LHFPL6: variants seen among roughly 807,000 people sequenced by gnomAD.
LHFPL6 encodes LHFPL tetraspan subfamily member 6, also known as LHFPL tetraspan subfamily member 6 protein.
LHFPL6 carries 9 observed loss-of-function variants against 20.6 expected under a neutral mutation model. The ratio of observed to expected loss-of-function variants is 0.44; its 90% CI spans 0.26 to 0.76. The LOEUF is 0.76. Among genes scored for constraint, LHFPL6 ranks in the 30% least tolerant of loss-of-function variants. LHFPL6 has a pLI of 0.20. For synonymous variants in LHFPL6, 105 were observed against 98.7 expected, an observed-to-expected ratio of 1.06 and a Z score of -0.38; for missense variants, 218 against 253.5, an observed-to-expected ratio of 0.86 and a Z score of 0.95.
intron 2 of LHFPL6, among the ~76,000 whole-genome samples, chr13:39,561,992 A>G (rs1248766013): frequency 6.6e-6 from 1 of 152,186 alleles, no homozygotes; most frequent in Non-Finnish European, 1.5e-5. Flanking sequence ...TGAGGGCCAA[A>G]TCTTCTAATT....
intron 3 of LHFPL6, among the ~76,000 whole-genome samples, chr13:39,359,515 C>A (rs754931934): frequency 3.9e-5 from 6 of 152,040 alleles, no homozygotes; most frequent in Non-Finnish European, 5.9e-5. Flanking sequence ...TTTTCCTAAG[C>A]AAATTAATGC....
chr13:39,423,209 T>C (rs1302135798), intron 2 of LHFPL6, among the ~76,000 whole-genome samples: 1 of 152,184 alleles, frequency 6.6e-6, no homozygotes, highest in Non-Finnish European at 1.5e-5. Context: ...TCAGATTATC[T>C]AAGACATTAC....
chr13:39,386,624 A>G (rs1870569838), intron 2 of LHFPL6, among the ~76,000 whole-genome samples: 1 of 152,232 alleles, frequency 6.6e-6, no homozygotes, highest in African/African-American at 2.4e-5. Context: ...GACATGTTGT[A>G]TTTGACCATC....
intron 3 of LHFPL6, among the ~76,000 whole-genome samples, chr13:39,352,926 T>C (rs1275234623): frequency 2.8e-4 from 16 of 57,942 alleles, no homozygotes; most frequent in South Asian, 7.8e-4. Context: ...TATATATAAA[T>C]GTATATATAT....
intron 2 of LHFPL6, among the ~76,000 whole-genome samples, chr13:39,596,182 C>T (rs1440587457): frequency 6.6e-6 from 1 of 152,046 alleles, no homozygotes; most frequent in Non-Finnish European, 1.5e-5. Context: ...GAACTGCAGA[C>T]AATTTGTTGT....
chr13:39,458,091 C>T (rs1277053669), intron 2 of LHFPL6, among the ~76,000 whole-genome samples: 1 of 152,116 alleles, frequency 6.6e-6, no homozygotes, highest in Non-Finnish European at 1.5e-5. Context: ...CATTCAATTA[C>T]ATAATGGAGA....
At chr13:39,523,291 C>CA (rs377348765) in intron 2 of LHFPL6, among the ~76,000 whole-genome samples, 13 of 152,224 alleles carry the variant, frequency 8.5e-5, no homozygotes, top group African/African-American at 3.1e-4. Flanking sequence ...TAGTGCAGGC[C>CA]AGGCGCGGTG....
chr13:39,466,202 AGTTT>A (rs1432068875), intron 2 of LHFPL6, among the ~76,000 whole-genome samples: 1 of 152,090 alleles, frequency 6.6e-6, no homozygotes, highest in Admixed American at 6.6e-5. Flanking sequence ...TTTGGATCTG[AGTTT>A]GTTTGTTTGA....
chr13:39,542,686 T>A (rs10047779), intron 2 of LHFPL6, among the ~76,000 whole-genome samples: 76,661 of 151,974 alleles, frequency 0.5, 19,566 homozygotes, highest in Admixed American at 0.61. Context: ...TCCCCAATTC[T>A]CTGCAACCCC....
At chr13:39,478,213 A>G (rs1341488995) in intron 2 of LHFPL6, among the ~76,000 whole-genome samples, 1 of 152,158 alleles carries the variant, frequency 6.6e-6, no homozygotes, top group Non-Finnish European at 1.5e-5. Context: ...CATTCCACCT[A>G]GAGATTAATG....
intron 3 of LHFPL6, among the ~76,000 whole-genome samples, chr13:39,363,722 G>A (rs536042091): frequency 2.6e-4 from 40 of 152,190 alleles, no homozygotes; most frequent in African/African-American, 8.7e-4. Flanking sequence ...AAAGCAGGCC[G>A]GTGATGCTGG....
chr13:39,392,316 C>T (rs59279878), intron 2 of LHFPL6, among the ~76,000 whole-genome samples: 7,593 of 152,142 alleles, frequency 0.05, 193 homozygotes, highest in Middle Eastern at 0.071. Context: ...TAAAAGTGGC[C>T]GGGCGCGGTG....
chr13:39,531,388 C>A (rs186344984), intron 2 of LHFPL6, among the ~76,000 whole-genome samples: 4 of 152,084 alleles, frequency 2.6e-5, no homozygotes, highest in Admixed American at 1.3e-4. Context: ...ACCCTTTGGA[C>A]ACATAAAATT....
intron 2 of LHFPL6, among the ~76,000 whole-genome samples, chr13:39,430,401 C>G (rs1415998841): frequency 6.6e-6 from 1 of 152,212 alleles, no homozygotes; most frequent in African/African-American, 2.4e-5. Flanking sequence ...TACTTCTGAT[C>G]TTATGGCAGC....
chr13:39,518,960 G>A (rs967380523), intron 2 of LHFPL6, among the ~76,000 whole-genome samples: 1 of 152,264 alleles, frequency 6.6e-6, no homozygotes, highest in African/African-American at 2.4e-5. Context: ...CCCAGGGCTA[G>A]GCATGGTGGC....
intron 2 of LHFPL6, among the ~76,000 whole-genome samples, chr13:39,449,765 A>G (rs1035082721): frequency 4.6e-5 from 7 of 151,946 alleles, no homozygotes; most frequent in African/African-American, 1.7e-4. Flanking sequence ...TAAAGTCACG[A>G]TATCTGTGAC....
intron 2 of LHFPL6, among the ~76,000 whole-genome samples, chr13:39,481,718 C>T (rs1447795425): frequency 1.3e-5 from 2 of 152,136 alleles, no homozygotes; most frequent in South Asian, 2.1e-4. Context: ...GAGGCATCCG[C>T]AGGAACTGGC....
At chr13:39,583,488 T>C (rs1225219990) in intron 2 of LHFPL6, among the ~76,000 whole-genome samples, 1 of 152,194 alleles carries the variant, frequency 6.6e-6, no homozygotes, top group Non-Finnish European at 1.5e-5. Context: ...TGCAAAACTC[T>C]AACAGTTGTA....
intron 2 of LHFPL6, among the ~76,000 whole-genome samples, chr13:39,470,872 C>T (rs207473704): frequency 5.3e-5 from 8 of 152,280 alleles, no homozygotes; most frequent in Admixed American, 1.3e-4. Context: ...TTTCCATTAG[C>T]GGCCCATCAT....
Sources: gnomAD v4.1 joint callset for allele counts (sites outside exome capture counted in the v4.1 genomes callset) on GRCh38, gnomAD v4.1.1 for gene constraint, MANE v1.5 for transcripts, NCBI Gene and HGNC (gene_info 2026-07-23, HGNC 2026-07-21) for gene names.